The following ADGRA2 variants were observed in gnomAD, a reference collection of about 807,000 sequenced individuals.
ADGRA2 encodes the protein adhesion G protein-coupled receptor A2, also known as G-protein coupled receptor 124.
In ADGRA2, 61 loss-of-function variants were observed where a neutral mutation model predicts 98.7. The observed-to-expected ratio is 0.62, with a 90% CI of 0.50 to 0.76. ADGRA2 has a LOEUF of 0.76. Ranked by LOEUF, ADGRA2 falls within the 30% of genes least tolerant of loss-of-function variation. ADGRA2 has a pLI of 0.00. For synonymous variants in ADGRA2, 858 were observed against 831.5 expected (o/e 1.03, Z -0.55); for missense variants, 1,712 against 1,860.0 (o/e 0.92, Z 1.46).
rs1804531797 is a variant in ADGRA2 at position 37,802,283 on chromosome 8, C to T, written c.266+4749C>T. On this transcript the variant is annotated intron_variant, in intron 1 of 18. Transcript: ENST00000412232. The surrounding 1 kb of genome is among the most constrained non-coding windows in gnomAD (Gnocchi z 4.7). Reference sequence around the variant, plus strand: ...AAGCGTCGTGCACATGGCCCGAGGGCAGGACAAGGATGCTGGTGGAGGGGC... The same window carrying T: ...AAGCGTCGTGCACATGGCCCGAGGGTAGGACAAGGATGCTGGTGGAGGGGC... 6.6e-6 allele frequency among the ~76,000 whole-genome samples: 1 copy of T among 152,100 alleles called. No individual in the cohort carries two copies. Among genetic ancestry groups the T allele is most frequent in the Non-Finnish European group, 1.5e-5 (1 of 67,998 alleles).
intron 1 of ADGRA2, among the ~76,000 whole-genome samples, chr8:37,801,296 A>AC (rs1397273976): frequency 1.2e-4 from 18 of 151,128 alleles, no homozygotes; most frequent in Non-Finnish European, 2.2e-4. Context: ...GTCCCACCCC[A>AC]CCCCCCAGGC....
chr8:37,836,822 A>C (rs1805628801), intron 13 of ADGRA2, among the ~76,000 whole-genome samples: 1 of 152,132 alleles, frequency 6.6e-6, no homozygotes, highest in Admixed American at 6.5e-5. Context: ...CCCTTTGCCC[A>C]GCCAGAAGGC....
In ADGRA2 at chr8:37,829,540, C is replaced by A; in HGVS notation, c.535C>A (p.Leu179Met). The change falls in exon 5 of 19, where the codon CTG (leucine) becomes ATG (methionine). Residue 179 changes from leucine to methionine, a missense_variant. By Grantham distance (15) the Leu-to-Met change is conservative. Coordinates refer to ENST00000412232, the MANE Select transcript of ADGRA2 (RefSeq NM_032777.10). ...SSLQPGVFDE[L>M]PALKVVDLGT... ...TCTGCAACCTGGGGTCTTTGATGAG[C>A]TGCCAGCCCTTAAGGTTGTGTGAGT... is the stretch of plus-strand genomic sequence containing the variant. The A allele has an allele frequency of 6.2e-7, 1 of 1,612,174 alleles. No individual in the cohort carries two copies. The highest frequency in any genetic ancestry group is 8.5e-7 in the Non-Finnish European group (1 of 1,178,190).
At chr8:37,798,222 CTTGCCTCTCCT>C (rs1325116044) in intron 1 of ADGRA2, among the ~76,000 whole-genome samples, 1 of 152,262 alleles carries the variant, frequency 6.6e-6, no homozygotes, top group Non-Finnish European at 1.5e-5. Flanking sequence ...GTCCCGCGTC[CTTGCCTCTCCT>C]TTGCCTCTCC....
intron 2 of ADGRA2, among the ~76,000 whole-genome samples, chr8:37,828,002 T>C (rs1320869792): frequency 6.6e-6 from 1 of 151,134 alleles, no homozygotes; most frequent in African/African-American, 2.4e-5. Flanking sequence ...AATTAGCGGG[T>C]GTGGTGGCGC....
intron 1 of ADGRA2, among the ~76,000 whole-genome samples, chr8:37,800,098 G>T (rs1255106072): frequency 3.3e-5 from 5 of 152,178 alleles, no homozygotes; most frequent in Admixed American, 6.5e-5. Context: ...GAAAGGGGAT[G>T]ATCTGTCTCC....
Position 37,802,210 on chromosome 8 carries a change from C to T in ADGRA2, c.266+4676C>T, listed in dbSNP as rs1003152848. Among the ~76,000 whole-genome samples, 11 of 152,196 alleles carry T rather than the reference C, an allele frequency of 7.2e-5. No individual in the cohort carries two copies. Among genetic ancestry groups the T allele is most frequent in the East Asian group, 5.8e-4 (3 of 5,180 alleles). ...GGCTGGGACTCACTTCAGGGCCCCT[C>T]GTTACAGCCACCAGGATCCAGTTAG... On this transcript the variant is annotated intron_variant, in intron 1 of 18. Transcript: ENST00000412232. The surrounding 1 kb of genome is among the most constrained non-coding windows in gnomAD (Gnocchi z 4.7).
chr8:37,811,831 G>A (rs1040980096), intron 1 of ADGRA2, among the ~76,000 whole-genome samples: 2 of 151,248 alleles, frequency 1.3e-5, no homozygotes, highest in Admixed American at 6.6e-5. Flanking sequence ...GGCTGGGTGC[G>A]GTAGTTTACA....
chr8:37,833,609 C>G, intron 9 of ADGRA2, 79 bp from the exon 10 acceptor site: 2 of 1,472,230 alleles, frequency 1.4e-6, no homozygotes, highest in South Asian at 2.4e-5. Flanking sequence ...AGCACTGGCA[C>G]AGAGCAGAGG....
rs1301768539 is a variant in ADGRA2, at chr8:37,839,636, G to A, written c.2511+14G>A. Reference sequence around the variant, plus strand: ...GTCTGCCAGGCGGTAAGCAGGAGAAGGGGCTCTGGGGGTGGTGCTCCGAGA... The same window carrying A: ...GTCTGCCAGGCGGTAAGCAGGAGAAAGGGCTCTGGGGGTGGTGCTCCGAGA... On this transcript the variant is annotated intron_variant, in intron 16 of 18. Coordinates refer to ENST00000412232, the MANE Select transcript of ADGRA2 (RefSeq NM_032777.10). 2 of 1,613,078 alleles carry A rather than the reference G, an allele frequency of 1.2e-6. No homozygotes were observed. The highest frequency in any genetic ancestry group is 1.1e-5 in the South Asian group (1 of 91,024).
At chr8:37,831,054 A>C (rs4976890) in intron 7 of ADGRA2, 131 bp downstream of exon 7, 486,811 of 659,482 alleles carry the variant, frequency 0.74, 180,948 homozygotes, top group East Asian at 0.85. Context: ...TTATGGAAAG[A>C]CTGGACTAAG....
chr8:37,804,181 C>T, intron 1 of ADGRA2, among the ~76,000 whole-genome samples: 1 of 149,158 alleles, frequency 6.7e-6, no homozygotes, highest in Non-Finnish European at 1.5e-5. Context: ...TCTAACTAGA[C>T]CCCAGGGCTC....
chr8:37,828,481 CTTTTTTTT>C (rs35779657), intron 2 of ADGRA2, among the ~76,000 whole-genome samples: 3 of 82,986 alleles, frequency 3.6e-5, no homozygotes, highest in Admixed American at 3.2e-4. Context: ...GGGGGTGGTT[CTTTTTTTT>C]TTTTTTTTTT....
chr8:37,823,599 G>A (rs1158033585), intron 2 of ADGRA2, among the ~76,000 whole-genome samples: 1 of 152,156 alleles, frequency 6.6e-6, no homozygotes, highest in African/African-American at 2.4e-5. Flanking sequence ...ATATACCTAG[G>A]AGTGGAATTT....
Position 37,831,714 on chromosome 8 carries a change from T to C in ADGRA2, c.1097+127T>C, listed in dbSNP as rs1017040479. On this transcript the variant is annotated intron_variant, in intron 8 of 18. Transcript: ENST00000412232. ...GGGTCCTAAAGATGGAGAAGACACT[T>C]CCTTTTGTCATTCAGCCTGAAGCCT... The C allele has an allele frequency of 2.4e-5, 18 of 761,532 alleles. No homozygotes were observed. The African/African-American group carries it at 2.4e-4, about 10-fold the overall frequency. 47.2% of individuals were successfully genotyped at this position (761,532 alleles called of 1,614,324 possible).
At chr8:37,825,470 A>G (rs7009697) in intron 2 of ADGRA2, among the ~76,000 whole-genome samples, 4,832 of 150,764 alleles carry the variant, frequency 0.032, 112 homozygotes, top group Non-Finnish European at 0.051. Context: ...GCTGGTCTCG[A>G]ACTCCTGACC....
intron 2 of ADGRA2, among the ~76,000 whole-genome samples, chr8:37,825,167 A>G (rs1243476114): frequency 1.3e-5 from 2 of 152,158 alleles, no homozygotes; most frequent in Non-Finnish European, 2.9e-5. Flanking sequence ...GTGGAAGCAT[A>G]TCTGCGCGTG....
chr8:37,807,935 C>T (rs1804723670), intron 1 of ADGRA2, among the ~76,000 whole-genome samples: 2 of 152,322 alleles, frequency 1.3e-5, no homozygotes, highest in South Asian at 4.1e-4. Flanking sequence ...TATGTGCCCA[C>T]GTGACTCCTG....
At chr8:37,815,230 G>T (rs942789566) in intron 2 of ADGRA2, among the ~76,000 whole-genome samples, 1 of 152,240 alleles carries the variant, frequency 6.6e-6, no homozygotes, top group Non-Finnish European at 1.5e-5. Flanking sequence ...GCTCATTAAC[G>T]CTCTTTAATG....
Sources: allele counts gnomAD v4.1 joint callset (sites outside exome capture counted in the v4.1 genomes callset), GRCh38; gene constraint gnomAD v4.1.1; non-coding constraint Gnocchi (gnomAD v3.1); transcripts MANE v1.5; gene names NCBI Gene and HGNC (gene_info 2026-07-23, HGNC 2026-07-21).